Variants in FLNB observed in about 807,000 individuals in gnomAD.
FLNB encodes filamin-B.
A neutral mutation model predicts 250.6 loss-of-function variants in FLNB; 111 were observed. The observed-to-expected ratio is 0.44, with a 90% CI of 0.38 to 0.52. FLNB has a LOEUF of 0.52. Among genes scored for constraint, FLNB ranks in the 20% least tolerant of loss-of-function variants. The pLI, the probability that FLNB is intolerant of heterozygous loss-of-function variation, is 0.00. For synonymous variants in FLNB, 1,302 were observed against 1,372.1 expected, an observed-to-expected ratio of 0.95 and a Z score of 1.13; for missense variants, 2,869 against 3,447.8, an observed-to-expected ratio of 0.83 and a Z score of 4.20.
chr3:58,136,311 C>A (rs2097315805), intron 28 of FLNB, 143 bp downstream of exon 28: 3 of 775,526 alleles, frequency 3.9e-6, no homozygotes, highest in African/African-American at 1.7e-5. Context: ...TAGATTGAAG[C>A]TCTTTGTTTT....
At chr3:58,059,232 C>T (rs1474089744) in intron 1 of FLNB, among the ~76,000 whole-genome samples, 3 of 152,138 alleles carry the variant, frequency 2.0e-5, no homozygotes, top group Non-Finnish European at 4.4e-5. Context: ...TTTAAAAATT[C>T]TAACATGTGT....
At chr3:58,096,451 G>A (rs150581591) in intron 6 of FLNB, among the ~76,000 whole-genome samples, 3 of 152,308 alleles carry the variant, frequency 2.0e-5, no homozygotes, top group African/African-American at 7.2e-5. Context: ...ACTAATGGTT[G>A]CAGCTGTGTG....
intron 24 of FLNB, among the ~76,000 whole-genome samples, chr3:58,128,262 C>A (rs2107193950): frequency 6.6e-6 from 1 of 152,326 alleles, no homozygotes; most frequent in Non-Finnish European, 1.5e-5. Flanking sequence ...CACACACTCA[C>A]ACTCACTCTC....
chr3:58,045,059 A>G (rs764092555), intron 1 of FLNB, among the ~76,000 whole-genome samples: 41 of 152,262 alleles, frequency 2.7e-4, no homozygotes, highest in Non-Finnish European at 5.3e-4. Context: ...ATGAGTTTGT[A>G]GGGATGAGCC....
At chr3:58,133,270 A>G (rs573390069) in intron 26 of FLNB, among the ~76,000 whole-genome samples, 1 of 152,218 alleles carries the variant, frequency 6.6e-6, no homozygotes, top group South Asian at 2.1e-4. Context: ...CCTTTCAGAC[A>G]TCTTTAGTTT....
At chr3:58,084,718 A>G (rs1003963895) in intron 4 of FLNB, among the ~76,000 whole-genome samples, 6 of 152,106 alleles carry the variant, frequency 3.9e-5, no homozygotes, top group African/African-American at 4.8e-5. Context: ...AACTTTTTCA[A>G]CTTCCCAAAC....
intron 4 of FLNB, among the ~76,000 whole-genome samples, chr3:58,090,359 CTT>C: frequency 6.6e-6 from 1 of 152,158 alleles, no homozygotes; most frequent in East Asian, 1.9e-4. Context: ...TTACAGTTAA[CTT>C]AATTTTTAAA....
At position 58,077,054 on chromosome 3, in the gene FLNB, GC is replaced by G; in HGVS notation, c.303del (p.Ile102LeufsTer6). The G allele has an allele frequency of 2.5e-6, 4 of 1,614,172 alleles. No individual in the cohort carries two copies. The highest frequency in any genetic ancestry group is 3.4e-6 in the Non-Finnish European group (4 of 1,180,006). Reference sequence around the variant, plus strand: ...TGTGCTTCTCTCCCCAGATAGCAAAGCCATTGTGGATGGGAACCTGAAGCTC... The same window carrying G: ...TGTGCTTCTCTCCCCAGATAGCAAAGCATTGTGGATGGGAACCTGAAGCTC... ...SIKLVSIDSK[A>X]IVDGNLKLIL... is the part of the protein sequence containing the mutation. On this transcript the variant is annotated frameshift_variant, in exon 2 of 46. Coordinates refer to ENST00000295956, the MANE Select transcript of FLNB (RefSeq NM_001457.4). LOFTEE classifies it high-confidence loss of function.
At chr3:58,096,734 C>A (rs559585697) in intron 6 of FLNB, among the ~76,000 whole-genome samples, 118 of 152,292 alleles carry the variant, frequency 7.7e-4, no homozygotes, top group African/African-American at 2.8e-3. Flanking sequence ...TTCTTGAACT[C>A]CTGACCTCAA....
intron 8 of FLNB, among the ~76,000 whole-genome samples, chr3:58,099,227 A>T (rs549287809): frequency 6.6e-6 from 1 of 152,220 alleles, no homozygotes; most frequent in Admixed American, 6.5e-5. Context: ...AGCATAACTG[A>T]AGTTAGCAGC....
At chr3:58,044,717 G>A (rs530664442) in intron 1 of FLNB, among the ~76,000 whole-genome samples, 6 of 152,196 alleles carry the variant, frequency 3.9e-5, no homozygotes, top group African/African-American at 7.2e-5. Flanking sequence ...GCCCAGCTAC[G>A]TGGATGGCTG....
In FLNB at chr3:58,169,301, C is replaced by T. The variant is rs1484313053; in HGVS notation, c.7418-289C>T. On this transcript the variant is annotated intron_variant, in intron 44 of 45. Transcript: ENST00000295956. This position sits in a 1 kb window ranked among gnomAD's most constrained non-coding sequence, Gnocchi z 4.8. ...TGTCAATAGAAAGATGTGAATTCCA[C>T]AGGCACATCTTTGGTGGGTAGGGGG... is the stretch of plus-strand genomic sequence containing the variant. 2 of 471,140 alleles carry T rather than the reference C, an allele frequency of 4.2e-6. No homozygotes were observed. Among genetic ancestry groups the T allele is most frequent in the East Asian group, 8.0e-5 (2 of 25,038 alleles). The allele number at this position is 471,140 out of a possible 1,614,324, so 29.2% of individuals were successfully genotyped here. A position where few individuals can be genotyped will look rare whatever the true frequency, so the allele number is the denominator to read the frequency against.
chr3:58,107,440 G>A (rs1196002173), intron 12 of FLNB, among the ~76,000 whole-genome samples: 2 of 152,166 alleles, frequency 1.3e-5, no homozygotes, highest in African/African-American at 2.4e-5. Context: ...AGGAATGATA[G>A]TAGTCTCTGC....
chr3:58,135,602 C>T (rs750845283), intron 27 of FLNB, among the ~76,000 whole-genome samples: 10 of 152,170 alleles, frequency 6.6e-5, no homozygotes, highest in Non-Finnish European at 1.5e-4. Context: ...AAGTGGATTC[C>T]CATCTTCTGG....
At chr3:58,126,487 G>A in intron 23 of FLNB, 115 bp from the exon 24 acceptor site, 6 of 904,812 alleles carry the variant, frequency 6.6e-6, no homozygotes, top group Non-Finnish European at 1.1e-5. Flanking sequence ...TGTAGTAATT[G>A]AGTTGGGGTG....
chr3:58,165,830 G>T (rs934554710), intron 43 of FLNB: 1 of 152,112 alleles, frequency 6.6e-6, no homozygotes, highest in African/African-American at 2.4e-5. Context: ...AACAAGCAGT[G>T]CTGCGTTTAA....
intron 10 of FLNB, among the ~76,000 whole-genome samples, chr3:58,104,547 G>A (rs998104869): frequency 5.3e-5 from 8 of 152,158 alleles, no homozygotes; most frequent in Admixed American, 2.0e-4. Context: ...TGCGTTCTGT[G>A]TTTTCCAGCT....
At chr3:58,078,955 T>A in intron 3 of FLNB, 141 bp downstream of exon 3, 1 of 674,972 alleles carries the variant, frequency 1.5e-6, no homozygotes, top group Non-Finnish European at 2.7e-6. Context: ...CTCATCTTCC[T>A]CAGTTTACCC....
chr3:58,068,162 A>AC (rs1245584456), intron 1 of FLNB, among the ~76,000 whole-genome samples: 1 of 152,234 alleles, frequency 6.6e-6, no homozygotes, highest in Non-Finnish European at 1.5e-5. Context: ...CAGGCACAGC[A>AC]CTGACTTCCA....
Sources: allele counts gnomAD v4.1 joint callset (sites outside exome capture counted in the v4.1 genomes callset), GRCh38; gene constraint gnomAD v4.1.1; non-coding constraint Gnocchi (gnomAD v3.1); transcripts MANE v1.5; gene names NCBI Gene and HGNC (gene_info 2026-07-23, HGNC 2026-07-21).